The following TSNAX variants were observed in gnomAD, a reference collection of about 807,000 sequenced individuals.
TSNAX encodes the protein translin associated factor X.
In TSNAX, 12 loss-of-function variants were observed where a neutral mutation model predicts 33.0. The ratio of observed to expected loss-of-function variants is 0.36; its 90% CI spans 0.23 to 0.59. The LOEUF (loss-of-function observed/expected upper bound fraction) is 0.59. TSNAX is among the 20% of genes least tolerant of loss of function. TSNAX has a pLI of 0.74. For missense variants in TSNAX, 267 were observed against 341.3 expected (o/e 0.78, Z 1.72); for synonymous variants, 110 against 117.2 (o/e 0.94, Z 0.40).
rs140456544 is a variant in TSNAX at position 231,555,592 on chromosome 1, C to T, written c.368-5536C>T. Reference sequence around the variant, plus strand: ...TTATGTTTGTTTTACCACAATTAAACGGAGAAAAAATAAAAATGAAACTGC... The same window carrying T: ...TTATGTTTGTTTTACCACAATTAAATGGAGAAAAAATAAAAATGAAACTGC... On this transcript the variant is annotated intron_variant, in intron 4 of 5. Transcript: ENST00000366639. Among the ~76,000 whole-genome samples the T allele has an allele frequency of 5.7e-4, 86 of 152,008 alleles. 1 individual carries two copies. Among genetic ancestry groups the T allele is most frequent in the African/African-American group, 1.9e-3 (79 of 41,444 alleles).
At chr1:231,556,503 A>G (rs199620487) in intron 4 of TSNAX, among the ~76,000 whole-genome samples, 164 of 152,280 alleles carry the variant, frequency 1.1e-3, no homozygotes, top group Non-Finnish European at 1.7e-3. Flanking sequence ...ATCAACAGCT[A>G]CATATGAAAT....
chr1:231,531,084 G>A (rs764438289), intron 2 of TSNAX, among the ~76,000 whole-genome samples: 94 of 151,594 alleles, frequency 6.2e-4, no homozygotes, highest in Admixed American at 1.7e-3. Context: ...TCAGCCTCCT[G>A]AGTAGCTGGG....
At chr1:231,530,732 C>T (rs535046697) in intron 2 of TSNAX, among the ~76,000 whole-genome samples, 222 of 146,296 alleles carry the variant, frequency 1.5e-3, no homozygotes, top group African/African-American at 5.3e-3. Flanking sequence ...AAAAAAAGTA[C>T]GAAAAATTAG....
At chr1:231,532,274 C>T (rs929133764) in intron 2 of TSNAX, among the ~76,000 whole-genome samples, 7 of 150,730 alleles carry the variant, frequency 4.6e-5, no homozygotes, top group African/African-American at 1.5e-4. Context: ...TCACTGCAAG[C>T]GTAGCCTCTT....
intron 2 of TSNAX, chr1:231,534,987 T>C (rs578088547): frequency 1.2e-4 from 19 of 152,234 alleles, no homozygotes; most frequent in Admixed American, 3.9e-4. Context: ...CAGAATGATA[T>C]CTGAATGATG....
At chr1:231,560,132 A>C (rs1462547486) in intron 4 of TSNAX, among the ~76,000 whole-genome samples, 1 of 151,298 alleles carries the variant, frequency 6.6e-6, no homozygotes, top group African/African-American at 2.4e-5. Context: ...GGCGCCCGCC[A>C]CCACGCCCGG....
At chr1:231,546,012 A>C (rs968530506) in intron 4 of TSNAX, among the ~76,000 whole-genome samples, 22 of 152,194 alleles carry the variant, frequency 1.4e-4, no homozygotes, top group Non-Finnish European at 2.8e-4. Context: ...TGCTTACCCC[A>C]AATACTGAGG....
At chr1:231,544,017 G>A (rs1221751130) in intron 4 of TSNAX, among the ~76,000 whole-genome samples, 1 of 152,116 alleles carries the variant, frequency 6.6e-6, no homozygotes, top group African/African-American at 2.4e-5. Flanking sequence ...GAAAACATGA[G>A]AATATCTTTA....
At chr1:231,562,876 A>G (rs1043961493) in intron 5 of TSNAX, among the ~76,000 whole-genome samples, 6 of 152,228 alleles carry the variant, frequency 3.9e-5, no homozygotes, top group Non-Finnish European at 8.8e-5. Context: ...AATTTCAAAC[A>G]TGCAGAAAAA....
intron 2 of TSNAX, chr1:231,535,072 G>C (rs1185202396): frequency 6.6e-6 from 1 of 152,178 alleles, no homozygotes; most frequent in African/African-American, 2.4e-5. Flanking sequence ...TAGAGAATCA[G>C]GACTAGCAAG....
At chr1:231,535,310 T>C (rs200716244) in intron 2 of TSNAX, 6 of 152,222 alleles carry the variant, frequency 3.9e-5, no homozygotes, top group Non-Finnish European at 7.4e-5. Flanking sequence ...AAACAGTCTT[T>C]CTTCAGTTAA....
At chr1:231,561,335 T>C (rs1419400159) in intron 5 of TSNAX, 80 bp downstream of exon 5, 3 of 1,138,468 alleles carry the variant, frequency 2.6e-6, no homozygotes, top group Non-Finnish European at 3.7e-6. Context: ...TACTGGCTTA[T>C]GCTAAGATTG....
intron 4 of TSNAX, among the ~76,000 whole-genome samples, chr1:231,556,013 A>G (rs915507478): frequency 6.6e-6 from 1 of 152,172 alleles, no homozygotes; most frequent in Non-Finnish European, 1.5e-5. Context: ...GACAATCAAA[A>G]AGCAAAGTAC....
At position 231,529,310 on chromosome 1, in the gene TSNAX, A is replaced by G. The variant is rs745511389; in HGVS notation, c.72A>G (p.Arg24=). 1.2e-6 allele frequency: 2 copies of G among 1,614,232 alleles called. No homozygotes were observed. Among genetic ancestry groups the G allele is most frequent in the Non-Finnish European group, 1.7e-6 (2 of 1,180,036 alleles). Reference sequence around the variant, plus strand: ...ACAATTTCCCACATAACCAAAGAAGAGAAGGGAAGGATGTTAATTCATCTT... The same window carrying G: ...ACAATTTCCCACATAACCAAAGAAGGGAAGGGAAGGATGTTAATTCATCTT... ...KHDNFPHNQR[R]EGKDVNSSSP... is the part of the protein sequence containing the mutation. Residue 24 remains arginine (R), a synonymous_variant, in exon 2 of 6, where the codon AGA becomes AGG. Coordinates refer to ENST00000366639, the MANE Select transcript of TSNAX (RefSeq NM_005999.3).
At chr1:231,549,235 G>C (rs1276587926) in intron 4 of TSNAX, among the ~76,000 whole-genome samples, 3 of 152,146 alleles carry the variant, frequency 2.0e-5, no homozygotes, top group Admixed American at 6.5e-5. Flanking sequence ...CACAAGGTCA[G>C]GAGTTCGAGA....
intron 3 of TSNAX, among the ~76,000 whole-genome samples, chr1:231,538,057 CTG>C (rs1157085851): frequency 6.6e-6 from 1 of 152,150 alleles, no homozygotes; most frequent in African/African-American, 2.4e-5. Context: ...TATTAAGTCT[CTG>C]TTTTCTTATT....
chr1:231,557,829 A>G (rs1660788335), intron 4 of TSNAX, among the ~76,000 whole-genome samples: 1 of 152,144 alleles, frequency 6.6e-6, no homozygotes, highest in African/African-American at 2.4e-5. Flanking sequence ...ACCATTATTT[A>G]TTTTCCTAAT....
chr1:231,548,364 T>TTA (rs1660086023), intron 4 of TSNAX, among the ~76,000 whole-genome samples: 1 of 152,234 alleles, frequency 6.6e-6, no homozygotes, highest in Admixed American at 6.5e-5. Flanking sequence ...CAGTTCACAC[T>TTA]GCTTGCAAGA....
Position 231,564,520 on chromosome 1 carries a change from T to G in TSNAX, c.496-8T>G, listed in dbSNP as rs1324906634. 6.2e-7 allele frequency: 1 copy of G among 1,602,018 alleles called. No homozygotes were observed. Among genetic ancestry groups the G allele is most frequent in the Non-Finnish European group, 8.5e-7 (1 of 1,171,828 alleles). On this transcript the variant is annotated splice_polypyrimidine_tract_variant and splice_region_variant and intron_variant, in intron 5 of 5. Transcript: ENST00000366639. The stretch of plus-strand genomic sequence containing the variant: ...GTGTGTTTTTGTTTTGTTTTGTTTT[T>G]TTACCAGCCCTCCTCTGATGCACAG...
Sources: gnomAD v4.1 joint callset for allele counts (sites outside exome capture counted in the v4.1 genomes callset) on GRCh38, gnomAD v4.1.1 for gene constraint, MANE v1.5 for transcripts, NCBI Gene and HGNC (gene_info 2026-07-23, HGNC 2026-07-21) for gene names.